CHL1: variants seen among roughly 807,000 people sequenced by gnomAD.
CHL1 encodes cell adhesion molecule L1 like.
In CHL1, 96 loss-of-function variants were observed where a neutral mutation model predicts 141.9. The ratio of observed to expected loss-of-function variants is 0.68; its 90% CI spans 0.57 to 0.80. CHL1 has a LOEUF of 0.80. Ranked by LOEUF, CHL1 falls within the 30% of genes least tolerant of loss-of-function variation. The pLI, the probability that CHL1 is intolerant of heterozygous loss-of-function variation, is 0.00. For synonymous variants in CHL1, 613 were observed against 502.2 expected (o/e 1.22, Z -2.95); for missense variants, 1,820 against 1,457.2 (o/e 1.25, Z -4.05).
chr3:367,277 A>G (rs748327751), intron 15 of CHL1, among the ~76,000 whole-genome samples: 4 of 152,198 alleles, frequency 2.6e-5, no homozygotes, highest in Non-Finnish European at 4.4e-5. Context: ...TTTGTAATTT[A>G]TTACCCTGTA....
intron 1 of CHL1, among the ~76,000 whole-genome samples, chr3:231,861 A>G (rs1311364286): frequency 2.6e-5 from 4 of 151,948 alleles, no homozygotes; most frequent in Admixed American, 6.6e-5. Context: ...ACAGGCATGA[A>G]CTACCACACC....
At chr3:227,479 C>G (rs956891438) in intron 1 of CHL1, among the ~76,000 whole-genome samples, 1 of 152,146 alleles carries the variant, frequency 6.6e-6, no homozygotes, top group Non-Finnish European at 1.5e-5. Flanking sequence ...AAAATGAGGA[C>G]TATCAGGCTC....
At chr3:310,390 G>C (rs547045288) in intron 2 of CHL1, among the ~76,000 whole-genome samples, 1 of 152,156 alleles carries the variant, frequency 6.6e-6, no homozygotes, top group Non-Finnish European at 1.5e-5. Flanking sequence ...CACCACTGCT[G>C]TTATCAGTCT....
chr3:299,519 A>G (rs1419673473), intron 2 of CHL1, among the ~76,000 whole-genome samples: 1 of 152,174 alleles, frequency 6.6e-6, no homozygotes, highest in African/African-American at 2.4e-5. Flanking sequence ...ATAGCTACCA[A>G]TTTTGAGAAA....
intron 12 of CHL1, among the ~76,000 whole-genome samples, chr3:360,914 C>G (rs76160452): frequency 1.3e-5 from 2 of 151,134 alleles, no homozygotes; most frequent in Admixed American, 1.3e-4. Context: ...CTACAAAGGA[C>G]ATGAACTCAT....
chr3:257,447 G>A (rs768289252), intron 2 of CHL1, among the ~76,000 whole-genome samples: 6 of 149,956 alleles, frequency 4.0e-5, no homozygotes, highest in South Asian at 2.1e-4. Flanking sequence ...TCCGCCTCCC[G>A]GGTTCAAGCA....
intron 5 of CHL1, among the ~76,000 whole-genome samples, chr3:340,316 G>A (rs961012830): frequency 3.9e-5 from 6 of 152,062 alleles, no homozygotes; most frequent in Non-Finnish European, 7.4e-5. Context: ...TCTCCATATG[G>A]GCTGGGAAGT....
intron 1 of CHL1, among the ~76,000 whole-genome samples, chr3:242,586 A>G (rs970017247): frequency 1.4e-5 from 2 of 144,672 alleles, no homozygotes; most frequent in Non-Finnish European, 3.0e-5. Flanking sequence ...ACAGAGTGGG[A>G]CTCCATCTCA....
Position 390,938 on chromosome 3 carries a change from T to G in CHL1, c.2587-17T>G. The G allele has an allele frequency of 6.2e-7, 1 of 1,608,682 alleles. No individual in the cohort carries two copies. The highest frequency in any genetic ancestry group is 1.3e-5 in the African/African-American group (1 of 74,838). On this transcript the variant is annotated splice_polypyrimidine_tract_variant and intron_variant, in intron 21 of 27. Coordinates refer to ENST00000256509, the MANE Select transcript of CHL1 (RefSeq NM_006614.4). Reference sequence around the variant, plus strand: ...GACCACAATGGATATACTAAAAGATTTTGGTTTTCATTGCAGATAAATTGG... The same window carrying G: ...GACCACAATGGATATACTAAAAGATGTTGGTTTTCATTGCAGATAAATTGG...
At chr3:362,509 T>G (rs144113830) in intron 13 of CHL1, among the ~76,000 whole-genome samples, 40 of 152,286 alleles carry the variant, frequency 2.6e-4, no homozygotes, top group African/African-American at 8.9e-4. Context: ...TTACCTTGCT[T>G]ACTGAGATGT....
At chr3:295,233 T>C (rs1698080980) in intron 2 of CHL1, among the ~76,000 whole-genome samples, 2 of 152,144 alleles carry the variant, frequency 1.3e-5, no homozygotes, top group South Asian at 4.1e-4. Context: ...GTTAGAGTGA[T>C]AAAAGGCAAA....
chr3:348,977 C>A (rs1559292360), intron 9 of CHL1, among the ~76,000 whole-genome samples: 2 of 152,230 alleles, frequency 1.3e-5, no homozygotes, highest in Non-Finnish European at 2.9e-5. Flanking sequence ...TTATCACTGG[C>A]TGCCCCAAAC....
intron 1 of CHL1, among the ~76,000 whole-genome samples, chr3:219,842 G>GT (rs1241999168): frequency 1.3e-5 from 2 of 152,020 alleles, no homozygotes; most frequent in African/African-American, 2.4e-5. Flanking sequence ...TAAAATGAAA[G>GT]TTTTTTAAAA....
chr3:277,613 G>GA (rs897884432), intron 2 of CHL1, among the ~76,000 whole-genome samples: 4 of 151,724 alleles, frequency 2.6e-5, no homozygotes, highest in South Asian at 4.1e-4. Flanking sequence ...CCTTATACTG[G>GA]AAAAAAATGC....
intron 26 of CHL1, among the ~76,000 whole-genome samples, chr3:399,604 T>C (rs1181173873): frequency 6.6e-6 from 1 of 152,076 alleles, no homozygotes; most frequent in East Asian, 1.9e-4. Flanking sequence ...CATGCCACTG[T>C]ACTTCAGCTT....
chr3:234,145 T>C (rs1345126136), intron 1 of CHL1, among the ~76,000 whole-genome samples: 1 of 151,800 alleles, frequency 6.6e-6, no homozygotes, highest in East Asian at 1.9e-4. Flanking sequence ...TACACTAAAA[T>C]ATTATTTTAC....
At chr3:257,707 G>A (rs62228338) in intron 2 of CHL1, among the ~76,000 whole-genome samples, 1,727 of 152,052 alleles carry the variant, frequency 0.011, 42 homozygotes, top group African/African-American at 0.04. Context: ...CTTGCCACAG[G>A]TCTATTTAAA....
chr3:286,627 A>G (rs976638805), intron 2 of CHL1, among the ~76,000 whole-genome samples: 1 of 151,444 alleles, frequency 6.6e-6, no homozygotes, highest in African/African-American at 2.4e-5. Context: ...AAAAAAAAAA[A>G]ATTAAACAAA....
intron 1 of CHL1, among the ~76,000 whole-genome samples, chr3:215,846 G>T (rs555291222): frequency 2.0e-5 from 3 of 152,164 alleles, no homozygotes; most frequent in Admixed American, 2.0e-4. Flanking sequence ...TGTATCTTTT[G>T]AATGATTCAA....
Sources: gnomAD v4.1 joint callset for allele counts (sites outside exome capture counted in the v4.1 genomes callset) on GRCh38, gnomAD v4.1.1 for gene constraint, MANE v1.5 for transcripts, NCBI Gene and HGNC (gene_info 2026-07-23, HGNC 2026-07-21) for gene names.